The following PCDHA13 variants were observed in gnomAD, a reference collection of about 807,000 sequenced individuals.
PCDHA13 encodes protocadherin alpha-13.
A neutral mutation model predicts 64.8 loss-of-function variants in PCDHA13; 54 were observed. That is an observed-to-expected ratio of 0.83 (90% CI 0.67 to 1.04). PCDHA13 has a LOEUF of 1.04. PCDHA13 is among the 50% of genes least tolerant of loss of function. The pLI is 0.00. For missense variants in PCDHA13, 1,248 were observed against 1,254.3 expected, an observed-to-expected ratio of 0.99 and a Z score of 0.08; for synonymous variants, 587 against 564.4, an observed-to-expected ratio of 1.04 and a Z score of -0.57.
intron 1 of PCDHA13, chr5:140,968,734 C>A: frequency 6.2e-7 from 1 of 1,614,162 alleles, no homozygotes; most frequent in Non-Finnish European, 8.5e-7. Flanking sequence ...GTAGCACTTT[C>A]AACCTGACCG....
chr5:140,932,966 G>C (rs2088764912), intron 1 of PCDHA13, among the ~76,000 whole-genome samples: 1 of 151,942 alleles, frequency 6.6e-6, no homozygotes, highest in South Asian at 2.1e-4. Context: ...TTGCTGAAAG[G>C]TTTTTACAAT....
intron 1 of PCDHA13, chr5:140,966,778 G>A: frequency 6.6e-7 from 1 of 1,512,496 alleles, no homozygotes; most frequent in Non-Finnish European, 8.8e-7. Flanking sequence ...TGGAGCAGGC[G>A]GGCACCAGAC....
intron 1 of PCDHA13, among the ~76,000 whole-genome samples, chr5:140,908,888 C>T (rs2074210125): frequency 1.3e-5 from 2 of 152,122 alleles, no homozygotes; most frequent in African/African-American, 4.8e-5. Flanking sequence ...CCAATAGTCC[C>T]AAATAAGCCT....
At chr5:140,939,897 T>G (rs1563176465) in intron 1 of PCDHA13, among the ~76,000 whole-genome samples, 1 of 152,230 alleles carries the variant, frequency 6.6e-6, no homozygotes. Flanking sequence ...TCAAATATTC[T>G]GCATTCTTTT....
At chr5:140,896,262 T>C (rs2065465092) in intron 1 of PCDHA13, among the ~76,000 whole-genome samples, 2 of 152,258 alleles carry the variant, frequency 1.3e-5, no homozygotes, top group African/African-American at 4.8e-5. Flanking sequence ...TGTACACAGT[T>C]ATGGGATTTG....
chr5:140,889,329 T>C (rs1554183865), intron 1 of PCDHA13, among the ~76,000 whole-genome samples: 2 of 152,090 alleles, frequency 1.3e-5, no homozygotes, highest in Admixed American at 6.5e-5. Context: ...GTATCAGGAT[T>C]TTGATTGGTG....
intron 1 of PCDHA13, among the ~76,000 whole-genome samples, chr5:140,945,334 A>G (rs1352254498): frequency 6.6e-6 from 1 of 152,134 alleles, no homozygotes; most frequent in Non-Finnish European, 1.5e-5. Flanking sequence ...TTTTATGTTC[A>G]TAGCTTGGAA....
intron 1 of PCDHA13, among the ~76,000 whole-genome samples, chr5:140,962,851 C>T (rs2095713637): frequency 1.3e-5 from 2 of 152,114 alleles, no homozygotes; most frequent in South Asian, 4.1e-4. Flanking sequence ...ATAACTTGTG[C>T]TCGGTTTGTA....
At chr5:140,955,163 TTTGG>T (rs1445630947) in intron 1 of PCDHA13, among the ~76,000 whole-genome samples, 2 of 152,184 alleles carry the variant, frequency 1.3e-5, no homozygotes, top group Admixed American at 6.5e-5. Flanking sequence ...ACCGTGCTGT[TTTGG>T]TTACTGTAGT....
chr5:140,961,247 C>T (rs527974851), intron 1 of PCDHA13, among the ~76,000 whole-genome samples: 6 of 152,070 alleles, frequency 3.9e-5, no homozygotes, highest in East Asian at 1.9e-4. Flanking sequence ...GGAATTTATC[C>T]GAAGCTCCAG....
chr5:140,998,393 C>A (rs1178528705), intron 3 of PCDHA13, among the ~76,000 whole-genome samples: 12 of 152,288 alleles, frequency 7.9e-5, no homozygotes, highest in African/African-American at 2.4e-4. Flanking sequence ...TTAATGCCAT[C>A]TTTATGCCAA....
chr5:141,006,067 A>G (rs1202024176), intron 3 of PCDHA13, among the ~76,000 whole-genome samples: 4 of 151,950 alleles, frequency 2.6e-5, no homozygotes, highest in Admixed American at 6.6e-5. Flanking sequence ...AGAAATAAAA[A>G]TCAGATTATT....
Position 140,908,264 on chromosome 5 carries a change from C to T in PCDHA13, c.2394+23602C>T, listed in dbSNP as rs184452768. Among the ~76,000 whole-genome samples the T allele has an allele frequency of 2.1e-4, 32 of 152,244 alleles. 1 individual carries two copies. Among genetic ancestry groups the T allele is most frequent in the African/African-American group, 6.3e-4 (26 of 41,538 alleles). Reference sequence around the variant, plus strand: ...CCTCATCAACTGATCATAGGGAACTCCCCATGAGGCCATTGTTGCAAGCTG... The same window carrying T: ...CCTCATCAACTGATCATAGGGAACTTCCCATGAGGCCATTGTTGCAAGCTG... On this transcript the variant is annotated intron_variant, in intron 1 of 3. Coordinates refer to ENST00000289272, the MANE Select transcript of PCDHA13 (RefSeq NM_018904.3).
intron 1 of PCDHA13, among the ~76,000 whole-genome samples, chr5:140,897,443 G>GT (rs1562897655): frequency 6.7e-6 from 1 of 149,986 alleles, no homozygotes; most frequent in Non-Finnish European, 1.5e-5. Flanking sequence ...GCAGTGTTTG[G>GT]TTTTTTGTCC....
chr5:140,962,370 T>G (rs1554225991), intron 1 of PCDHA13, among the ~76,000 whole-genome samples: 1 of 152,214 alleles, frequency 6.6e-6, no homozygotes, highest in South Asian at 2.1e-4. Flanking sequence ...GCTAGTTTGA[T>G]TTTATCTGTT....
At chr5:140,928,298 C>T in intron 1 of PCDHA13, 2 of 1,614,128 alleles carry the variant, frequency 1.2e-6, no homozygotes, top group South Asian at 1.1e-5. Context: ...CGAGTGTTTG[C>T]CCAGGACCCC....
chr5:140,903,540 A>G (rs531687543), intron 1 of PCDHA13, among the ~76,000 whole-genome samples: 46 of 152,352 alleles, frequency 3.0e-4, no homozygotes, highest in African/African-American at 9.9e-4. Flanking sequence ...AACTAGAGCA[A>G]GAAACTTTTC....
At position 140,929,227 on chromosome 5, in the gene PCDHA13, G is replaced by C. The variant is rs141300036; in HGVS notation, c.2394+44565G>C. ...GTTGCGTGGGGAGTACAATGCTGCC[G>C]ACCTGCGAAATCTTGCCACTGGGGT... On this transcript the variant is annotated intron_variant, in intron 1 of 3. Transcript: ENST00000289272. 7.4e-6 allele frequency: 12 copies of C among 1,613,892 alleles called. No homozygotes were observed. In the African/African-American group the frequency reaches 1.5e-4, roughly 20 times the overall value.
chr5:140,947,543 G>A (rs1013985097), intron 1 of PCDHA13, among the ~76,000 whole-genome samples: 1 of 151,548 alleles, frequency 6.6e-6, no homozygotes, highest in African/African-American at 2.4e-5. Context: ...TTTCTACAAA[G>A]AATTCCGCTG....
Sources: gnomAD v4.1 joint callset for allele counts (sites outside exome capture counted in the v4.1 genomes callset) on GRCh38, gnomAD v4.1.1 for gene constraint, MANE v1.5 for transcripts, NCBI Gene and HGNC (gene_info 2026-07-23, HGNC 2026-07-21) for gene names.